Variants in TENM3 observed in about 807,000 individuals in gnomAD.
The protein encoded by TENM3 is teneurin transmembrane protein 3.
Under a neutral mutation model 255.1 loss-of-function variants are expected in TENM3, and 63 were observed. The observed-to-expected ratio is 0.25, with a 90% CI of 0.20 to 0.30. The LOEUF (loss-of-function observed/expected upper bound fraction) is 0.30, where lower values mean the gene tolerates loss of function less well. Ranked by LOEUF, TENM3 falls within the 10% of genes least tolerant of loss-of-function variation. TENM3 has a pLI of 1.00. For missense variants in TENM3, 2,929 were observed against 3,461.1 expected, an observed-to-expected ratio of 0.85 and a Z score of 3.86; for synonymous variants, 1,306 against 1,322.3, an observed-to-expected ratio of 0.99 and a Z score of 0.27.
chr4:182,272,230 T>G (rs191717489), intron 1 of TENM3, among the ~76,000 whole-genome samples: 1 of 152,328 alleles, frequency 6.6e-6, no homozygotes, highest in Non-Finnish European at 1.5e-5. Flanking sequence ...TATAGGTCAT[T>G]AATCTCAATC....
At chr4:182,197,875 C>T (rs577709388) in intron 1 of TENM3, among the ~76,000 whole-genome samples, 10 of 152,278 alleles carry the variant, frequency 6.6e-5, no homozygotes, top group South Asian at 6.2e-4. Flanking sequence ...GAGGCCGAGG[C>T]GGTCGGATCA....
At chr4:181,561,310 G>T in the TENM3 span, among the ~76,000 whole-genome samples, 1 of 152,146 alleles carries the variant, frequency 6.6e-6, no homozygotes, top group African/African-American at 2.4e-5. Context: ...ATAATGTAAA[G>T]ACAGTTTCAG....
At chr4:182,668,526 T>C (rs1754920845) in intron 6 of TENM3, among the ~76,000 whole-genome samples, 1 of 152,106 alleles carries the variant, frequency 6.6e-6, no homozygotes, top group African/African-American at 2.4e-5. Flanking sequence ...AGGAAAAAAA[T>C]CATCACAATT....
At chr4:182,439,245 T>A (rs1413407062) in intron 3 of TENM3, among the ~76,000 whole-genome samples, 1 of 152,204 alleles carries the variant, frequency 6.6e-6, no homozygotes, top group East Asian at 1.9e-4. Context: ...TGACTCTACC[T>A]GTTTTTCACT....
chr4:182,111,349 G>C, the TENM3 span, among the ~76,000 whole-genome samples: 4 of 151,966 alleles, frequency 2.6e-5, no homozygotes, highest in East Asian at 7.7e-4. Context: ...AAACCATAAT[G>C]GTCTCACTCA....
At chr4:181,889,960 T>A in the TENM3 span, among the ~76,000 whole-genome samples, 1 of 152,334 alleles carries the variant, frequency 6.6e-6, no homozygotes, top group Non-Finnish European at 1.5e-5. Context: ...TTAGGTTGAT[T>A]GGAAAATGTC....
At chr4:181,921,783 T>A in the TENM3 span, among the ~76,000 whole-genome samples, 8 of 152,008 alleles carry the variant, frequency 5.3e-5, no homozygotes, top group African/African-American at 1.9e-4. Flanking sequence ...TGAATAGGAG[T>A]GGTGAGAGAG....
the TENM3 span, among the ~76,000 whole-genome samples, chr4:181,760,999 C>CACACACACACACACACACACAT: frequency 4.5e-4 from 66 of 145,626 alleles, 1 homozygote; most frequent in Middle Eastern, 3.5e-3. Flanking sequence ...CACACACACA[C>CACACACACACACACACACACAT]ACACACACAC....
the TENM3 span, among the ~76,000 whole-genome samples, chr4:181,613,535 G>T: frequency 6.6e-6 from 1 of 152,168 alleles, no homozygotes; most frequent in African/African-American, 2.4e-5. Context: ...GCAGAGTTAA[G>T]GTCTACTGTG....
At chr4:182,271,085 A>G (rs747090137) in intron 1 of TENM3, among the ~76,000 whole-genome samples, 27 of 152,192 alleles carry the variant, frequency 1.8e-4, no homozygotes, top group Non-Finnish European at 4.0e-4. Context: ...ATCTCTGGTC[A>G]TTTTAAAACT....
intron 1 of TENM3, among the ~76,000 whole-genome samples, chr4:182,250,208 A>G (rs564780122): frequency 4.6e-5 from 7 of 151,252 alleles, no homozygotes; most frequent in African/African-American, 1.2e-4. Context: ...GCCCGCCACC[A>G]CGCCCGGCTA....
chr4:182,679,749 G>A lies in TENM3; in HGVS notation c.1410G>A (p.Arg470=). The stretch of plus-strand genomic sequence containing the variant: ...TGCTTGAGACGGAGAGAGCCGGGCG[G>A]CAGGCGAGATCCGTCAGCCTTCATG... ...RSLLETERAG[R]QARSVSLHEA... Residue 470 remains arginine, a synonymous_variant, in exon 8 of 28, where the codon CGG becomes CGA. Transcript: ENST00000511685. 3 of 1,613,890 alleles carry A rather than the reference G, an allele frequency of 1.9e-6. No homozygotes were observed. The highest frequency in any genetic ancestry group is 1.3e-5 in the African/African-American group (1 of 75,040).
chr4:182,446,437 G>T (rs1772918851), intron 3 of TENM3, among the ~76,000 whole-genome samples: 1 of 152,144 alleles, frequency 6.6e-6, no homozygotes. Context: ...CAGGTCAGAG[G>T]ATCAGTCTTC....
At chr4:181,638,213 C>A in the TENM3 span, among the ~76,000 whole-genome samples, 1 of 152,216 alleles carries the variant, frequency 6.6e-6, no homozygotes, top group African/African-American at 2.4e-5. Flanking sequence ...CACAGACTGA[C>A]ATAGTGCCTA....
the TENM3 span, among the ~76,000 whole-genome samples, chr4:181,553,480 C>A: frequency 1.3e-5 from 2 of 151,880 alleles, no homozygotes; most frequent in African/African-American, 4.8e-5. Context: ...CTGGCTCTGT[C>A]GCCCAGGCTG....
At chr4:181,579,138 T>C in the TENM3 span, among the ~76,000 whole-genome samples, 301 of 152,218 alleles carry the variant, frequency 2.0e-3, 4 homozygotes, top group African/African-American at 7.0e-3. Context: ...AGAAGCGGAC[T>C]CTGGCCAAGT....
intron 6 of TENM3, among the ~76,000 whole-genome samples, chr4:182,672,289 A>G (rs1445803611): frequency 2.6e-5 from 4 of 152,212 alleles, no homozygotes; most frequent in Admixed American, 2.6e-4. Context: ...TTTTGTTCCT[A>G]TGCATCAAAG....
At chr4:181,815,163 T>C in the TENM3 span, among the ~76,000 whole-genome samples, 3 of 151,888 alleles carry the variant, frequency 2.0e-5, no homozygotes, top group African/African-American at 7.2e-5. Flanking sequence ...TGTGAAAGTG[T>C]AGAGGAAGCC....
At chr4:182,780,970 G>C (rs1269608755) in intron 24 of TENM3, among the ~76,000 whole-genome samples, 1 of 151,190 alleles carries the variant, frequency 6.6e-6, no homozygotes, top group Non-Finnish European at 1.5e-5. Context: ...AGACAATGGG[G>C]TTTTCTAGAT....
Sources: allele counts gnomAD v4.1 joint callset (sites outside exome capture counted in the v4.1 genomes callset), GRCh38; gene constraint gnomAD v4.1.1; transcripts MANE v1.5; gene names NCBI Gene and HGNC (gene_info 2026-07-23, HGNC 2026-07-21).